CYP7B1: variants seen among roughly 807,000 people sequenced by gnomAD.
CYP7B1 encodes cytochrome P450 family 7 subfamily B member 1.
Under a neutral mutation model 42.7 loss-of-function variants are expected in CYP7B1, and 29 were observed. The ratio of observed to expected loss-of-function variants is 0.68; its 90% CI spans 0.51 to 0.93. The LOEUF is 0.93. Among genes scored for constraint, CYP7B1 ranks in the 40% least tolerant of loss-of-function variants. CYP7B1 has a pLI of 0.00. For synonymous variants in CYP7B1, 235 were observed against 218.2 expected (o/e 1.08, Z -0.68); for missense variants, 655 against 600.5 (o/e 1.09, Z -0.95).
chr8:64,723,096 T>C (rs79171898), intron 1 of CYP7B1, among the ~76,000 whole-genome samples: 1,751 of 152,340 alleles, frequency 0.011, 40 homozygotes, highest in African/African-American at 0.038. Flanking sequence ...AATAAATGTC[T>C]ACTTCTTTCT....
chr8:64,722,663 T>C (rs1340561670), intron 1 of CYP7B1, among the ~76,000 whole-genome samples: 3 of 140,284 alleles, frequency 2.1e-5, no homozygotes, highest in African/African-American at 8.0e-5. Flanking sequence ...GATGCTTACC[T>C]AGGAAAACTG....
intron 1 of CYP7B1, among the ~76,000 whole-genome samples, chr8:64,759,301 TAA>T (rs1563417845): frequency 6.6e-6 from 1 of 151,722 alleles, no homozygotes; most frequent in African/African-American, 2.4e-5. Context: ...ATTTCTGAGT[TAA>T]TAAATCCTCC....
chr8:64,655,073 A>G (rs1806101656), intron 1 of CYP7B1, among the ~76,000 whole-genome samples: 1 of 152,224 alleles, frequency 6.6e-6, no homozygotes, highest in African/African-American at 2.4e-5. Flanking sequence ...AAGCCCTGGA[A>G]GACAACCTAG....
At chr8:64,640,377 A>T (rs1805834849) in intron 1 of CYP7B1, among the ~76,000 whole-genome samples, 1 of 152,204 alleles carries the variant, frequency 6.6e-6, no homozygotes, top group Admixed American at 6.6e-5. Context: ...AATGAAATAT[A>T]TCACTGCAAA....
chr8:64,747,530 G>A (rs1248658228), intron 1 of CYP7B1, among the ~76,000 whole-genome samples: 2 of 151,546 alleles, frequency 1.3e-5, no homozygotes, highest in East Asian at 3.9e-4. Flanking sequence ...GTAAGCTAGA[G>A]AAAAGCAAAT....
At chr8:64,712,027 G>A (rs775520944) in intron 1 of CYP7B1, among the ~76,000 whole-genome samples, 1 of 152,100 alleles carries the variant, frequency 6.6e-6, no homozygotes, top group African/African-American at 2.4e-5. Context: ...AAGAGATAAA[G>A]TCAGCAAAGA....
At chr8:64,643,138 C>CATATATACAT (rs1554527649) in intron 1 of CYP7B1, among the ~76,000 whole-genome samples, 143 of 95,644 alleles carry the variant, frequency 1.5e-3, no homozygotes, top group Middle Eastern at 5.2e-3. Context: ...CATATATATA[C>CATATATACAT]ATATATACAT....
Position 64,615,964 on chromosome 8 carries a change from A to C in CYP7B1, c.577T>G (p.Phe193Val), listed in dbSNP as rs777302310. ...FCSSIIFEIT[F>V]TTIYGKVIVC... ...ATAACTTTTCCATATATAGTTGTAA[A>C]TGTGATCTCAAATATTATTGAGCTG... is the stretch of plus-strand genomic sequence containing the variant. Residue 193 changes from phenylalanine (F) to valine (V), a missense_variant, in exon 3 of 6, where the codon TTT becomes GTT. Coordinates refer to ENST00000310193, the MANE Select transcript of CYP7B1 (RefSeq NM_004820.5). The C allele has an allele frequency of 1.9e-6, 3 of 1,613,744 alleles. No homozygotes were observed. The highest frequency in any genetic ancestry group is 2.5e-6 in the Non-Finnish European group (3 of 1,179,842).
chr8:64,612,839 T>C lies in CYP7B1; in HGVS notation c.1057+2187A>G, dbSNP rs559269954. Among the ~76,000 whole-genome samples the C allele has an allele frequency of 3.3e-5, 5 of 152,234 alleles. No individual in the cohort carries two copies. The South Asian group carries it at 8.3e-4, about 25-fold the overall frequency. ...CAAGAAGGATAAGCACATACACACATACCACGTGGCACATGGTAAATATTT... is the reference window on the plus strand; with the variant it reads ...CAAGAAGGATAAGCACATACACACACACCACGTGGCACATGGTAAATATTT... On this transcript the variant is annotated intron_variant, in intron 4 of 5. Transcript: ENST00000310193.
intron 1 of CYP7B1, among the ~76,000 whole-genome samples, chr8:64,732,355 T>C (rs761750246): frequency 1.4e-4 from 21 of 152,216 alleles, no homozygotes; most frequent in Non-Finnish European, 2.2e-4. Context: ...TAAGGTTTAA[T>C]GGCTGCTTTA....
downstream of CYP7B1, among the ~76,000 whole-genome samples, chr8:64,589,260 T>G (rs1200395566): frequency 6.6e-6 from 1 of 152,222 alleles, no homozygotes; most frequent in Non-Finnish European, 1.5e-5. Context: ...ACTGGTTAAG[T>G]TCTAGGACCA....
chr8:64,679,000 A>T (rs1326975127), intron 1 of CYP7B1, among the ~76,000 whole-genome samples: 2 of 152,204 alleles, frequency 1.3e-5, no homozygotes, highest in South Asian at 2.1e-4. Context: ...ATTTGATTGC[A>T]TATATATTGC....
intron 1 of CYP7B1, among the ~76,000 whole-genome samples, chr8:64,726,445 G>C (rs1807325863): frequency 6.6e-6 from 1 of 152,162 alleles, no homozygotes; most frequent in Non-Finnish European, 1.5e-5. Context: ...GAATCTCACA[G>C]GGAAACTAAC....
chr8:64,695,268 C>A (rs543795554), intron 1 of CYP7B1, among the ~76,000 whole-genome samples: 1 of 152,112 alleles, frequency 6.6e-6, no homozygotes, highest in African/African-American at 2.4e-5. Flanking sequence ...TGAGGACTGA[C>A]CGGACATGAG....
At chr8:64,711,419 G>A (rs1041787323) in intron 1 of CYP7B1, among the ~76,000 whole-genome samples, 1 of 152,130 alleles carries the variant, frequency 6.6e-6, no homozygotes. Flanking sequence ...CTGCTTCCTG[G>A]GAAGGGACAA....
At chr8:64,685,380 G>A (rs1806609381) in intron 1 of CYP7B1, among the ~76,000 whole-genome samples, 1 of 117,692 alleles carries the variant, frequency 8.5e-6, no homozygotes, top group African/African-American at 3.3e-5. Flanking sequence ...GGAAAGTGAG[G>A]AGCGTCTCCG....
intron 5 of CYP7B1, among the ~76,000 whole-genome samples, chr8:64,598,052 A>AG (rs201759770): frequency 1.1e-3 from 161 of 152,330 alleles, no homozygotes; most frequent in African/African-American, 3.6e-3. Flanking sequence ...TTCCTTTAAA[A>AG]CTATTAGGTT....
chr8:64,597,757 T>C (rs16931340), intron 5 of CYP7B1, among the ~76,000 whole-genome samples: 6,139 of 152,286 alleles, frequency 0.04, 450 homozygotes, highest in African/African-American at 0.14. Context: ...GGGGACTGAG[T>C]GACCTTATTT....
rs893822055 is a variant in CYP7B1, at chr8:64,595,802, G to T, written c.*840C>A. Among the ~76,000 whole-genome samples the T allele has an allele frequency of 6.6e-6, 1 of 152,170 alleles. No homozygotes were observed. Among genetic ancestry groups the T allele is most frequent in the Non-Finnish European group, 1.5e-5 (1 of 68,036 alleles). ...TATATATGAAAGCATTTAGGAAAGG[G>T]TTAATTGCAATATTTGCATAACCTG... On this transcript the variant is annotated 3_prime_UTR_variant, in exon 6 of 6. Coordinates refer to ENST00000310193, the MANE Select transcript of CYP7B1 (RefSeq NM_004820.5).
Sources: allele counts gnomAD v4.1 joint callset (sites outside exome capture counted in the v4.1 genomes callset), GRCh38; gene constraint gnomAD v4.1.1; transcripts MANE v1.5; gene names NCBI Gene and HGNC (gene_info 2026-07-23, HGNC 2026-07-21).